Variants in MSRA observed in about 807,000 individuals in gnomAD.
MSRA encodes the protein methionine sulfoxide reductase A, also known as mitochondrial peptide methionine sulfoxide reductase.
Under a neutral mutation model 31.3 loss-of-function variants are expected in MSRA, and 54 were observed. The ratio of observed to expected loss-of-function variants is 1.73; its 90% CI spans 1.39 to 2.17. MSRA has a LOEUF of 2.17. Among genes scored for constraint, MSRA ranks in the 30% most tolerant of loss-of-function variants. The pLI is 0.00. For missense variants in MSRA, 507 were observed against 300.9 expected, an observed-to-expected ratio of 1.69 and a Z score of -5.07; for synonymous variants, 169 against 116.5, an observed-to-expected ratio of 1.45 and a Z score of -2.90.
intron 1 of MSRA, among the ~76,000 whole-genome samples, chr8:10,143,799 A>G (rs1427787808): frequency 1.3e-5 from 2 of 152,206 alleles, no homozygotes; most frequent in African/African-American, 4.8e-5. Context: ...TCAGATACAT[A>G]TCCAGACAAA....
At chr8:10,262,793 T>G (rs189657488) in intron 3 of MSRA, among the ~76,000 whole-genome samples, 21 of 152,368 alleles carry the variant, frequency 1.4e-4, no homozygotes, top group Admixed American at 1.2e-3. Flanking sequence ...AGTCTCAATA[T>G]TCTCCCAGAA....
intron 1 of MSRA, among the ~76,000 whole-genome samples, 172 bp downstream of exon 1, chr8:10,054,830 G>A (rs1802230649): frequency 1.3e-5 from 2 of 152,336 alleles, no homozygotes; most frequent in East Asian, 1.9e-4. Flanking sequence ...GGGAGACGCT[G>A]GGGTCCACTG....
intron 3 of MSRA, among the ~76,000 whole-genome samples, chr8:10,280,131 G>A (rs1360422251): frequency 2.0e-5 from 3 of 151,776 alleles, no homozygotes; most frequent in Non-Finnish European, 4.4e-5. Flanking sequence ...ATCTTTTTAG[G>A]CTTTACTGAA....
intron 5 of MSRA, among the ~76,000 whole-genome samples, chr8:10,351,188 C>G (rs781163323): frequency 6.9e-6 from 1 of 143,912 alleles, no homozygotes; most frequent in Non-Finnish European, 1.5e-5. Flanking sequence ...AAATTCATCT[C>G]TTTCCCTCCC....
At chr8:10,409,942 C>G (rs1017418406) in intron 5 of MSRA, among the ~76,000 whole-genome samples, 2 of 152,144 alleles carry the variant, frequency 1.3e-5, no homozygotes, top group African/African-American at 4.8e-5. Flanking sequence ...TGTCTCTAGT[C>G]CCAGCTACTT....
chr8:10,113,213 A>G (rs1169555521), intron 1 of MSRA, among the ~76,000 whole-genome samples: 1 of 144,364 alleles, frequency 6.9e-6, no homozygotes, highest in Non-Finnish European at 1.5e-5. Context: ...TGGTGCTTAT[A>G]GGCTGCCCCT....
chr8:10,370,995 A>G (rs1271634262), intron 5 of MSRA, among the ~76,000 whole-genome samples: 2 of 152,186 alleles, frequency 1.3e-5, no homozygotes, highest in African/African-American at 2.4e-5. Flanking sequence ...GCATGCCACA[A>G]TTCAAATCCA....
chr8:10,405,289 C>T (rs1253268316), intron 5 of MSRA, among the ~76,000 whole-genome samples: 4 of 152,088 alleles, frequency 2.6e-5, no homozygotes, highest in African/African-American at 9.7e-5. Context: ...GGCCACCCAG[C>T]TCGGCCACCC....
intron 1 of MSRA, among the ~76,000 whole-genome samples, chr8:10,150,782 C>T (rs1803595604): frequency 6.6e-6 from 1 of 152,158 alleles, no homozygotes; most frequent in Admixed American, 6.5e-5. Flanking sequence ...AAAAGCACAG[C>T]CTTTTCTCTT....
intron 1 of MSRA, among the ~76,000 whole-genome samples, chr8:10,204,313 C>T (rs1174141059): frequency 6.6e-6 from 1 of 152,224 alleles, no homozygotes; most frequent in Non-Finnish European, 1.5e-5. Flanking sequence ...TGGTAGTGTT[C>T]AGTAATGGCC....
intron 5 of MSRA, among the ~76,000 whole-genome samples, chr8:10,379,517 G>A (rs1805939143): frequency 6.6e-6 from 1 of 152,168 alleles, no homozygotes; most frequent in South Asian, 2.1e-4. Context: ...GTCATTTCCT[G>A]AGCATCCTGG....
At chr8:10,297,647 T>A (rs1201337022) in intron 3 of MSRA, among the ~76,000 whole-genome samples, 1 of 152,198 alleles carries the variant, frequency 6.6e-6, no homozygotes, top group Non-Finnish European at 1.5e-5. Context: ...TCTTTTACTT[T>A]GGAGAAATAA....
At position 10,240,340 on chromosome 8, in the gene MSRA, C is replaced by G. The variant is rs888511789; in HGVS notation, c.212-4764C>G. Among the ~76,000 whole-genome samples, 8 of 152,234 alleles carry G rather than the reference C, an allele frequency of 5.3e-5. No homozygotes were observed. In the South Asian group the frequency reaches 1.5e-3, roughly 28 times the overall value. ...GGACCTTGGTGAGCGGGTGTGCATG[C>G]TGTTGGGCCATGTGTAACCTATCTC... On this transcript the variant is annotated intron_variant, in intron 2 of 5. Transcript: ENST00000317173.
At chr8:10,095,346 G>A (rs1476282890) in intron 1 of MSRA, among the ~76,000 whole-genome samples, 2 of 152,184 alleles carry the variant, frequency 1.3e-5, no homozygotes, top group African/African-American at 4.8e-5. Flanking sequence ...AATTATGAAA[G>A]GTAGGATACC....
intron 1 of MSRA, among the ~76,000 whole-genome samples, chr8:10,081,181 A>G (rs574078262): frequency 2.8e-4 from 42 of 152,316 alleles, no homozygotes; most frequent in African/African-American, 9.6e-4. Flanking sequence ...AGGAGGCATC[A>G]TATAAGAACT....
In MSRA at chr8:10,275,422, G is replaced by T. The variant is rs573121521; in HGVS notation, c.332-26112G>T. Among the ~76,000 whole-genome samples the T allele has an allele frequency of 2.6e-5, 4 of 152,304 alleles. No individual in the cohort carries two copies. In the South Asian group the frequency reaches 8.3e-4, roughly 32 times the overall value. ...AGTATGATTTTACTATTTTGTAGATGCATCTTCTTTTCTGACACATGGGAA... is the reference window on the plus strand; with the variant it reads ...AGTATGATTTTACTATTTTGTAGATTCATCTTCTTTTCTGACACATGGGAA... On this transcript the variant is annotated intron_variant, in intron 3 of 5. Transcript: ENST00000317173.
At chr8:10,124,097 G>A (rs1473767284) in intron 1 of MSRA, among the ~76,000 whole-genome samples, 3 of 152,062 alleles carry the variant, frequency 2.0e-5, no homozygotes, top group South Asian at 2.1e-4. Flanking sequence ...CTTGGGTGGT[G>A]TAAGTGAAGT....
chr8:10,242,907 T>G (rs1177443530), intron 2 of MSRA, among the ~76,000 whole-genome samples: 2 of 152,178 alleles, frequency 1.3e-5, no homozygotes, highest in Non-Finnish European at 2.9e-5. Flanking sequence ...AGACGCTGTT[T>G]CAGCCACACG....
intron 2 of MSRA, among the ~76,000 whole-genome samples, chr8:10,216,244 A>G (rs1809977602): frequency 6.6e-6 from 1 of 152,236 alleles, no homozygotes; most frequent in African/African-American, 2.4e-5. Context: ...GAATTAGGTA[A>G]ATATTAGGCC....
Sources: allele counts gnomAD v4.1 joint callset (sites outside exome capture counted in the v4.1 genomes callset), GRCh38; gene constraint gnomAD v4.1.1; transcripts MANE v1.5; gene names NCBI Gene and HGNC (gene_info 2026-07-23, HGNC 2026-07-21).